PBRM1: variants seen among roughly 807,000 people sequenced by gnomAD.
PBRM1 encodes the protein polybromo 1.
A neutral mutation model predicts 194.5 loss-of-function variants in PBRM1; 27 were observed. The ratio of observed to expected loss-of-function variants is 0.14; its 90% confidence interval spans 0.10 to 0.19. The LOEUF is 0.19. PBRM1 is among the 10% of genes least tolerant of loss of function. The probability of loss-of-function intolerance (pLI) is 1.00; values close to 1 mark genes in which losing one functional copy is unlikely to be tolerated. For missense variants in PBRM1, 1,466 were observed against 2,077.2 expected (o/e 0.71, Z 5.72); for synonymous variants, 655 against 693.2 (o/e 0.94, Z 0.87).
At chr3:52,606,470 T>C (rs1217604113) in intron 16 of PBRM1, among the ~76,000 whole-genome samples, 5 of 152,310 alleles carry the variant, frequency 3.3e-5, no homozygotes, top group Admixed American at 1.3e-4. Flanking sequence ...TGTAAATACC[T>C]TTCATGGTAT....
At chr3:52,561,905 T>G in exon 25 of PBRM1, 1 of 1,614,200 alleles carries the variant, frequency 6.2e-7, no homozygotes, top group Non-Finnish European at 8.5e-7. Flanking sequence ...ATGTAGCCAC[T>G]CATGTTGATT....
intron 6 of PBRM1, 80 bp downstream of exon 7, chr3:52,651,662 T>A (rs187883201): frequency 2.8e-6 from 2 of 720,380 alleles, no homozygotes; most frequent in Admixed American, 5.3e-5. Context: ...CTAGCTTCTC[T>A]GTTTTCTAAA....
chr3:52,665,488 C>T (rs2096814913), intron 3 of PBRM1, among the ~76,000 whole-genome samples: 1 of 152,068 alleles, frequency 6.6e-6, no homozygotes, highest in African/African-American at 2.4e-5. Flanking sequence ...GGCAGGGGTC[C>T]CCAACCCCCA....
At position 52,598,386 on chromosome 3, in the gene PBRM1, A is replaced by T. The variant is rs548335430; in HGVS notation, c.2779+5135T>A. On this transcript the variant is annotated intron_variant, in intron 17 of 29. Transcript: ENST00000296302. ...CCTGGCCCCTAGCAACCTCTATTCC[A>T]CTTTCTGTCCCTATGAATTTGCCAA... Among the ~76,000 whole-genome samples, 16 of 152,242 alleles carry T rather than the reference A, an allele frequency of 1.1e-4. No homozygotes were observed. The South Asian group carries it at 2.9e-3, about 28-fold the overall frequency.
At chr3:52,626,032 G>A (rs542624104) in intron 13 of PBRM1, among the ~76,000 whole-genome samples, 16 of 152,140 alleles carry the variant, frequency 1.1e-4, no homozygotes, top group Non-Finnish European at 1.9e-4. Flanking sequence ...GGCACTAATT[G>A]TACCATCACT....
At chr3:52,666,133 A>G (rs980882039) in intron 3 of PBRM1, among the ~76,000 whole-genome samples, 7 of 152,232 alleles carry the variant, frequency 4.6e-5, no homozygotes, top group Admixed American at 2.6e-4. Flanking sequence ...AGAGTAAAAT[A>G]AACTGAGCAA....
At chr3:52,669,225 AC>A (rs2096900816) in intron 2 of PBRM1, among the ~76,000 whole-genome samples, 1 of 140,684 alleles carries the variant, frequency 7.1e-6, no homozygotes, top group Admixed American at 7.8e-5. Flanking sequence ...TCTAAACACA[AC>A]CAAACTCTTC....
chr3:52,550,905 T>C, intron 27 of PBRM1, 88 bp from the exon 30 acceptor site: 3 of 857,612 alleles, frequency 3.5e-6, no homozygotes, highest in Non-Finnish European at 5.8e-6. Flanking sequence ...ATGCCATTCA[T>C]AATTCAAACC....
At chr3:52,676,807 G>C (rs1166669986) in intron 2 of PBRM1, among the ~76,000 whole-genome samples, 1 of 152,186 alleles carries the variant, frequency 6.6e-6, no homozygotes, top group African/African-American at 2.4e-5. Context: ...CGGACAATAA[G>C]GTCCAGGCTG....
In PBRM1 at chr3:52,647,429, G is replaced by GA. The variant is rs71637569; in HGVS notation, c.813+914dup. ...TCCATTCCTAGGTATGTATCAAAGA[G>GA]AAAAAAAAAAAAAAAAAAAAAAAAA... is the stretch of plus-strand genomic sequence containing the variant. On this transcript the variant is annotated intron_variant, in intron 7 of 29. Transcript: ENST00000296302. Among the ~76,000 whole-genome samples, 15 of 44,496 alleles carry GA rather than the reference G, an allele frequency of 3.4e-4. 2 individuals are homozygous for GA. Among genetic ancestry groups the GA allele is most frequent in the East Asian group, 2.4e-3 (3 of 1,230 alleles). 29.2% of individuals were successfully genotyped at this position (44,496 alleles called of 152,430 possible). A position where few individuals can be genotyped will look rare whatever the true frequency, so the allele number is the denominator to read the frequency against.
intron 20 of PBRM1, among the ~76,000 whole-genome samples, chr3:52,582,766 T>C (rs921009964): frequency 6.6e-6 from 1 of 152,072 alleles, no homozygotes; most frequent in African/African-American, 2.4e-5. Flanking sequence ...GTTTGAGTAC[T>C]ACCATTGGAG....
At chr3:52,668,870 A>G (rs2153987664) in intron 2 of PBRM1, among the ~76,000 whole-genome samples, 1 of 152,204 alleles carries the variant, frequency 6.6e-6, no homozygotes, top group Middle Eastern at 3.4e-3. Context: ...ACATACGTTA[A>G]TGATATAAAA....
intron 7 of PBRM1, 120 bp downstream of exon 8, chr3:52,648,224 A>G (rs2096384441): frequency 4.9e-6 from 3 of 617,436 alleles, no homozygotes; most frequent in Non-Finnish European, 8.4e-6. Context: ...AACACTTTTA[A>G]TGGGTAAAGT....
chr3:52,548,172 T>C (rs761798603), exon 30 of PBRM1: 2 of 1,611,026 alleles, frequency 1.2e-6, no homozygotes, highest in South Asian at 2.2e-5. Context: ...CCCTTTGCTT[T>C]TCAGCCAGTG....
intron 13 of PBRM1, among the ~76,000 whole-genome samples, chr3:52,623,898 T>C (rs555977636): frequency 6.6e-6 from 1 of 152,326 alleles, no homozygotes; most frequent in African/African-American, 2.4e-5. Context: ...TTATGAATGA[T>C]ATGAAAGAAT....
chr3:52,598,144 A>G (rs1302992374), intron 17 of PBRM1, among the ~76,000 whole-genome samples: 2 of 152,220 alleles, frequency 1.3e-5, no homozygotes, highest in Non-Finnish European at 2.9e-5. Flanking sequence ...TTAAAGTTCA[A>G]TGGTTTTTGG....
At chr3:52,591,026 T>G (rs2092975099) in intron 17 of PBRM1, among the ~76,000 whole-genome samples, 1 of 152,218 alleles carries the variant, frequency 6.6e-6, no homozygotes, top group Non-Finnish European at 1.5e-5. Context: ...GTGGCAATTG[T>G]GAATGACAAT....
chr3:52,566,297 T>C (rs927311615), intron 22 of PBRM1, among the ~76,000 whole-genome samples: 1 of 152,070 alleles, frequency 6.6e-6, no homozygotes, highest in Non-Finnish European at 1.5e-5. Flanking sequence ...CTCCAAAAAG[T>C]TAAACACTGA....
intron 20 of PBRM1, among the ~76,000 whole-genome samples, chr3:52,585,142 C>G (rs2092166788): frequency 6.6e-6 from 1 of 152,142 alleles, no homozygotes; most frequent in African/African-American, 2.4e-5. Flanking sequence ...CTTTTTCCCC[C>G]AAGTAATTTT....
Sources: gnomAD v4.1 joint callset for allele counts (sites outside exome capture counted in the v4.1 genomes callset) on GRCh38, gnomAD v4.1.1 for gene constraint, MANE v1.5 for transcripts, NCBI Gene and HGNC (gene_info 2026-07-23, HGNC 2026-07-21) for gene names.